Variants in FOXC1 observed in about 807,000 individuals in gnomAD.
FOXC1 encodes the protein forkhead box C1, also known as forkhead box protein C1.
FOXC1 carries 5 observed loss-of-function variants against 8.1 expected under a neutral mutation model. The observed-to-expected ratio is 0.62, with a 90% CI of 0.32 to 1.30. FOXC1 has a LOEUF of 1.30. FOXC1 is among the 50% of genes most tolerant of loss of function. The pLI is 0.05. For synonymous variants in FOXC1, 552 were observed against 417.2 expected, an observed-to-expected ratio of 1.32 and a Z score of -3.94; for missense variants, 942 against 858.0, an observed-to-expected ratio of 1.10 and a Z score of -1.22.
chr6:1,610,069 A>G lies in FOXC1; in HGVS notation c.-377A>G, dbSNP rs1378945475. The G allele has an allele frequency of 8.0e-6, 1 of 124,512 alleles. No individual in the cohort carries two copies. Among genetic ancestry groups the G allele is most frequent in the East Asian group, 2.9e-4 (1 of 3,488 alleles). 7.7% of individuals were successfully genotyped at this position (124,512 alleles called of 1,614,324 possible). A position where few individuals can be genotyped will look rare whatever the true frequency, so the allele number is the denominator to read the frequency against. The stretch of plus-strand genomic sequence containing the variant: ...GCCGCCTTCGCCGGCAGCTCAGGGC[A>G]GAGTCTCCTGGAAGGCGCAGGCAGT... On this transcript the variant is annotated 5_prime_UTR_variant, in exon 1 of 1. Transcript: ENST00000645831.
At position 1,611,825 on chromosome 6, in the gene FOXC1, C is replaced by T; in HGVS notation, c.1380C>T (p.Gly460=). 6.6e-7 allele frequency: 1 copy of T among 1,508,330 alleles called. No individual in the cohort carries two copies. Among genetic ancestry groups the T allele is most frequent in the Non-Finnish European group, 8.8e-7 (1 of 1,131,216 alleles). The allele number at this position is 1,508,330 out of a possible 1,614,324, so 93.4% of individuals were successfully genotyped here. A position where few individuals can be genotyped will look rare whatever the true frequency, so the allele number is the denominator to read the frequency against. The stretch of plus-strand genomic sequence containing the variant: ...GCGGCGGGGGAGGCCAGGAGGCCGG[C>T]CACCACCCTGCGGCCCACCAAGGCC... ...GGGGGGGQEA[G]HHPAAHQGRL... is the part of the protein sequence containing the mutation. The change falls in exon 1 of 1, where the codon GGC becomes GGT. Residue 460 remains glycine (G), a synonymous_variant. Coordinates refer to ENST00000645831, the MANE Select transcript of FOXC1 (RefSeq NM_001453.3). The surrounding 1 kb of genome is among the most constrained non-coding windows in gnomAD (Gnocchi z 7.1).
Position 1,613,392 on chromosome 6 carries a change from A to G in FOXC1, c.*1285A>G, listed in dbSNP as rs967348287. On this transcript the variant is annotated 3_prime_UTR_variant, in exon 1 of 1. Coordinates refer to ENST00000645831, the MANE Select transcript of FOXC1 (RefSeq NM_001453.3). Reference sequence around the variant, plus strand: ...CCATTTACAATCCTTCATGTATTACATAGAAGGATTGCTTTTTTAAAAATA... The same window carrying G: ...CCATTTACAATCCTTCATGTATTACGTAGAAGGATTGCTTTTTTAAAAATA... 1.3e-4 allele frequency: 29 copies of G among 228,594 alleles called. No homozygotes were observed. The highest frequency in any genetic ancestry group is 4.7e-5 in the Non-Finnish European group (5 of 106,280). The allele number at this position is 228,594 out of a possible 1,614,324, so 14.2% of individuals were successfully genotyped here.
In FOXC1 at chr6:1,611,510, C is replaced by G. The variant is rs569734753; in HGVS notation, c.1065C>G (p.Pro355=). The change falls in exon 1 of 1, where the codon CCC becomes CCG. Residue 355 remains proline, a synonymous_variant. Transcript: ENST00000645831. The surrounding 1 kb of genome is among the most constrained non-coding windows in gnomAD (Gnocchi z 7.1). ...CGCTGGCGCTCGGCGCCTACTCGCC[C>G]GGCCAGAGCTCCCTCTACAGCTCCC... ...APPLALGAYS[P]GQSSLYSSPC... is the part of the protein sequence containing the mutation. 4.4e-6 allele frequency: 6 copies of G among 1,366,022 alleles called. No homozygotes were observed. The highest frequency in any genetic ancestry group is 3.4e-5 in the East Asian group (1 of 29,400). 84.6% of individuals were successfully genotyped at this position (1,366,022 alleles called of 1,614,324 possible).
In FOXC1 at chr6:1,610,557, A is replaced by T; in HGVS notation, c.112A>T (p.Thr38Ser). The T allele has an allele frequency of 1.3e-6, 2 of 1,563,758 alleles. No homozygotes were observed. The highest frequency in any genetic ancestry group is 8.7e-7 in the Non-Finnish European group (1 of 1,155,662). ...AAAAAAGGGY[T>S]AMPAPMSVYS... ...GGCCGCGGCGGCCGGGGGCGGCTAC[A>T]CCGCCATGCCGGCCCCCATGAGCGT... The change falls in exon 1 of 1, where the codon ACC becomes TCC. Residue 38 changes from threonine (T) to serine (S), a missense_variant. Physicochemically the swap from Thr to Ser is moderately conservative, Grantham distance 58. Transcript: ENST00000645831.
Position 1,611,445 on chromosome 6 carries a change from G to C in FOXC1, c.1000G>C (p.Ala334Pro). The change falls in exon 1 of 1, where the codon GCC (alanine) becomes CCC (proline). Residue 334 changes from alanine to proline, a missense_variant. Physicochemically the swap from Ala to Pro is conservative, Grantham distance 27. Transcript: ENST00000645831. The surrounding 1 kb of genome is among the most constrained non-coding windows in gnomAD (Gnocchi z 7.1). The part of the protein sequence containing the change: ...AAAELSSGLL[A>P]SAAASSRAGI... ...CGCGGAGCTCAGCTCCGGCCTTCTG[G>C]CCTCGGCGGCCGCGTCCTCGCGCGC... The C allele has an allele frequency of 1.4e-6, 2 of 1,393,058 alleles. No individual in the cohort carries two copies. Among genetic ancestry groups the C allele is most frequent in the Non-Finnish European group, 1.9e-6 (2 of 1,073,232 alleles). 86.3% of individuals were successfully genotyped at this position (1,393,058 alleles called of 1,614,324 possible).
In FOXC1 at chr6:1,611,618, G is replaced by C. The variant is rs773512259; in HGVS notation, c.1173G>C (p.Gly391=). The C allele has an allele frequency of 1.6e-6, 2 of 1,249,922 alleles. No individual in the cohort carries two copies. The highest frequency in any genetic ancestry group is 9.0e-5 in the Admixed American group (2 of 22,194). 77.4% of individuals were successfully genotyped at this position (1,249,922 alleles called of 1,614,324 possible). The change falls in exon 1 of 1, where the codon GGG becomes GGC. Residue 391 remains glycine (G), a synonymous_variant. Coordinates refer to ENST00000645831, the MANE Select transcript of FOXC1 (RefSeq NM_001453.3). This position sits in a 1 kb window ranked among gnomAD's most constrained non-coding sequence, Gnocchi z 7.1. ...AGAAGGAGGA[G]TYHCNLQAMS... ...CCGCGGGGGGCGCGGGCGGCGCCGG[G>C]ACCTACCACTGCAACCTGCAAGCCA...
Position 1,611,087 on chromosome 6 carries a change from C to A in FOXC1, c.642C>A (p.Pro214=). 1.5e-6 allele frequency: 2 copies of A among 1,362,918 alleles called. No homozygotes were observed. The highest frequency in any genetic ancestry group is 1.9e-5 in the South Asian group (1 of 53,928). 84.4% of individuals were successfully genotyped at this position (1,362,918 alleles called of 1,614,324 possible). A position where few individuals can be genotyped will look rare whatever the true frequency, so the allele number is the denominator to read the frequency against. ...CGGAGCAGGCCGACGGCAACGCGCC[C>A]GGTCCGCAGCCGCCGCCCGTGCGCA... ...APPEQADGNA[P]GPQPPPVRIQ... The change falls in exon 1 of 1, where the codon CCC becomes CCA. Residue 214 remains proline (P), a synonymous_variant. Transcript: ENST00000645831. This position sits in a 1 kb window ranked among gnomAD's most constrained non-coding sequence, Gnocchi z 7.1.
rs936269544 is a variant in FOXC1 at position 1,611,191 on chromosome 6, G to T, written c.746G>T (p.Gly249Val). Reference sequence around the variant, plus strand: ...TCCCCGGCCGCCGCCCTGGGCAGCGGCAGCGCCGCCGCGGTGCCCAAGATC... The same window carrying T: ...TCCCCGGCCGCCGCCCTGGGCAGCGTCAGCGCCGCCGCGGTGCCCAAGATC... Reference protein sequence around the residue: ...PLSPAAALGSGSAAAVPKIES... With the variant: ...PLSPAAALGSVSAAAVPKIES... Residue 249 changes from glycine to valine, a missense_variant, in exon 1 of 1, where the codon GGC becomes GTC. This residue lies in a region of FOXC1 where 726 missense variants were observed against 599.6 expected (regional missense o/e 1.21). Coordinates refer to ENST00000645831, the MANE Select transcript of FOXC1 (RefSeq NM_001453.3). This position sits in a 1 kb window ranked among gnomAD's most constrained non-coding sequence, Gnocchi z 7.1. 48 of 1,459,970 alleles carry T rather than the reference G, an allele frequency of 3.3e-5. No individual in the cohort carries two copies. The highest frequency in any genetic ancestry group is 4.0e-5 in the Non-Finnish European group (44 of 1,104,904). 90.4% of individuals were successfully genotyped at this position (1,459,970 alleles called of 1,614,324 possible).
In FOXC1 at chr6:1,613,126, C is replaced by G. The variant is rs140591342; in HGVS notation, c.*1019C>G. 221 of 241,306 alleles carry G rather than the reference C, an allele frequency of 9.2e-4. No homozygotes were observed. The highest frequency in any genetic ancestry group is 4.7e-3 in the African/African-American group (210 of 45,078). 14.9% of individuals were successfully genotyped at this position (241,306 alleles called of 1,614,324 possible). On this transcript the variant is annotated 3_prime_UTR_variant, in exon 1 of 1. Coordinates refer to ENST00000645831, the MANE Select transcript of FOXC1 (RefSeq NM_001453.3). Reference sequence around the variant, plus strand: ...TTCTCACTAATGACAGTCCATGATTCGGAAATTTTAAGCCCATGAATCAGC... The same window carrying G: ...TTCTCACTAATGACAGTCCATGATTGGGAAATTTTAAGCCCATGAATCAGC...
rs1156410607 is a variant in FOXC1, at chr6:1,612,396, A to G, written c.*289A>G. ...AGAGACAGCAAAATCTTGGTTTATT[A>G]AAGGACAGTGTTACTCCAGATAACA... On this transcript the variant is annotated 3_prime_UTR_variant, in exon 1 of 1. Transcript: ENST00000645831. The G allele has an allele frequency of 8.9e-6, 5 of 559,330 alleles. No homozygotes were observed. Among genetic ancestry groups the G allele is most frequent in the African/African-American group, 1.9e-5 (1 of 53,092 alleles). 34.6% of individuals were successfully genotyped at this position (559,330 alleles called of 1,614,324 possible).
chr6:1,611,283 G>A lies in FOXC1; in HGVS notation c.838G>A (p.Ala280Thr). The A allele has an allele frequency of 7.2e-7, 1 of 1,385,966 alleles. No homozygotes were observed. Among genetic ancestry groups the A allele is most frequent in the Non-Finnish European group, 9.3e-7 (1 of 1,071,826 alleles). 85.9% of individuals were successfully genotyped at this position (1,385,966 alleles called of 1,614,324 possible). ...GSSPPGSLPS[A>T]RPLSLDGADS... ...CAGCCCCCCGGGCAGCCTGCCGTCG[G>A]CGCGGCCGCTCAGCCTGGACGGTGC... The change falls in exon 1 of 1, where the codon GCG (alanine) becomes ACG (threonine). Residue 280 changes from alanine to threonine, a missense_variant. Physicochemically the swap from Ala to Thr is moderately conservative, Grantham distance 58 (BLOSUM62 0). Around this residue, in one of 4 missense-constraint regions of FOXC1, gnomAD observed 726 missense variants for 599.6 expected, o/e 1.21. Coordinates refer to ENST00000645831, the MANE Select transcript of FOXC1 (RefSeq NM_001453.3). The surrounding 1 kb of genome is among the most constrained non-coding windows in gnomAD (Gnocchi z 7.1).
In FOXC1 at chr6:1,611,399, G is replaced by C; in HGVS notation, c.954G>C (p.Arg318=). 1 of 1,451,564 alleles carries C rather than the reference G, an allele frequency of 6.9e-7. No homozygotes were observed. 89.9% of individuals were successfully genotyped at this position (1,451,564 alleles called of 1,614,324 possible). ...FSVDNIMTSL[R]GSPQSAAAEL... ...TGGACAACATCATGACGTCGCTGCG[G>C]GGGTCGCCGCAGAGCGCGGCCGCGG... The change falls in exon 1 of 1, where the codon CGG becomes CGC. Residue 318 remains arginine, a synonymous_variant. Transcript: ENST00000645831. The surrounding 1 kb of genome is among the most constrained non-coding windows in gnomAD (Gnocchi z 7.1).
In FOXC1 at chr6:1,612,040, C is replaced by T. The variant is rs905968043; in HGVS notation, c.1595C>T (p.Ala532Val). 1 of 1,613,740 alleles carries T rather than the reference C, an allele frequency of 6.2e-7. No homozygotes were observed. Among genetic ancestry groups the T allele is most frequent in the Non-Finnish European group, 8.5e-7 (1 of 1,180,012 alleles). ...AACGGGAATAGTAGCTGTCAAATGGCCTTCCCTTCCAGCCAGTCTCTGTAC... is the reference window on the plus strand; with the variant it reads ...AACGGGAATAGTAGCTGTCAAATGGTCTTCCCTTCCAGCCAGTCTCTGTAC... ...PVNGNSSCQMAFPSSQSLYRT... is the reference protein window; with the variant it reads ...PVNGNSSCQMVFPSSQSLYRT... Residue 532 changes from alanine (A) to valine (V), a missense_variant, in exon 1 of 1, where the codon GCC becomes GTC. Physicochemically the swap from Ala to Val is moderately conservative, Grantham distance 64. Around this residue, in one of 4 missense-constraint regions of FOXC1, gnomAD observed 726 missense variants for 599.6 expected, o/e 1.21. Coordinates refer to ENST00000645831, the MANE Select transcript of FOXC1 (RefSeq NM_001453.3).
rs1762517349 is a variant in FOXC1 at position 1,610,567 on chromosome 6, C to T, written c.122C>T (p.Pro41Leu). The part of the protein sequence containing the change: ...AAAGGGYTAM[P>L]APMSVYSHPA... ...GCCGGGGGCGGCTACACCGCCATGC[C>T]GGCCCCCATGAGCGTGTACTCGCAC... The change falls in exon 1 of 1, where the codon CCG becomes CTG. Residue 41 changes from proline to leucine, a missense_variant. By Grantham distance (98) the Pro-to-Leu change is moderately conservative. This residue lies in a region of FOXC1 where 190 missense variants were observed against 176.8 expected (regional missense o/e 1.07). Coordinates refer to ENST00000645831, the MANE Select transcript of FOXC1 (RefSeq NM_001453.3). 6.3e-7 allele frequency: 1 copy of T among 1,576,250 alleles called. No individual in the cohort carries two copies. Among genetic ancestry groups the T allele is most frequent in the Non-Finnish European group, 8.6e-7 (1 of 1,162,304 alleles).
At position 1,611,252 on chromosome 6, in the gene FOXC1, C is replaced by G. The variant is rs1277775861; in HGVS notation, c.807C>G (p.Ser269Arg). 43 of 1,429,706 alleles carry G rather than the reference C, an allele frequency of 3.0e-5. 1 individual carries two copies. In the Admixed American group the frequency reaches 7.7e-4, roughly 26 times the overall value. The allele number at this position is 1,429,706 out of a possible 1,614,324, so 88.6% of individuals were successfully genotyped here. ...SPDSSSSSLSSGSSPPGSLPS... is the reference protein window; with the variant it reads ...SPDSSSSSLSRGSSPPGSLPS... ...ACAGCAGCAGCAGCAGCCTGTCCAG[C>G]GGGAGCAGCCCCCCGGGCAGCCTGC... Residue 269 changes from serine to arginine, a missense_variant, in exon 1 of 1, where the codon AGC becomes AGG. This residue lies in a region of FOXC1 where 726 missense variants were observed against 599.6 expected (regional missense o/e 1.21). Coordinates refer to ENST00000645831, the MANE Select transcript of FOXC1 (RefSeq NM_001453.3). This position sits in a 1 kb window ranked among gnomAD's most constrained non-coding sequence, Gnocchi z 7.1.
In FOXC1 at chr6:1,611,687, C is replaced by A; in HGVS notation, c.1242C>A (p.Gly414=). The A allele has an allele frequency of 7.0e-7, 1 of 1,422,186 alleles. No homozygotes were observed. The highest frequency in any genetic ancestry group is 9.1e-7 in the Non-Finnish European group (1 of 1,094,724). 88.1% of individuals were successfully genotyped at this position (1,422,186 alleles called of 1,614,324 possible). The change falls in exon 1 of 1, where the codon GGC becomes GGA. Residue 414 remains glycine, a synonymous_variant. Coordinates refer to ENST00000645831, the MANE Select transcript of FOXC1 (RefSeq NM_001453.3). This position sits in a 1 kb window ranked among gnomAD's most constrained non-coding sequence, Gnocchi z 7.1. ...GCGAGCGCGGGGGCCACTTGCAGGG[C>A]GCGCCCGGGGGCGCGGGCGGCTCGG... ...AAGERGGHLQ[G]APGGAGGSAV...
chr6:1,611,962 C>G lies in FOXC1; in HGVS notation c.1517C>G (p.Ser506Trp). ...CCGGGCCAGCAGCAGAACTTCCACT[C>G]GGTGCGGGAGATGTTCGAGTCACAG... ...GYPGQQQNFH[S>W]VREMFESQRI... is the part of the protein sequence containing the mutation. The change falls in exon 1 of 1, where the codon TCG becomes TGG. Residue 506 changes from serine to tryptophan, a missense_variant. Physicochemically the swap from Ser to Trp is radical, Grantham distance 177 (BLOSUM62 -3). Transcript: ENST00000645831. The surrounding 1 kb of genome is among the most constrained non-coding windows in gnomAD (Gnocchi z 7.1). The G allele has an allele frequency of 6.2e-7, 1 of 1,605,106 alleles. No homozygotes were observed. Among genetic ancestry groups the G allele is most frequent in the Non-Finnish European group, 8.5e-7 (1 of 1,175,866 alleles).
rs1208494249 is a variant in FOXC1 at position 1,612,724 on chromosome 6, A to C, written c.*617A>C. On this transcript the variant is annotated 3_prime_UTR_variant, in exon 1 of 1. Coordinates refer to ENST00000645831, the MANE Select transcript of FOXC1 (RefSeq NM_001453.3). Reference sequence around the variant, plus strand: ...TAAATTGTGCTTTTTTTCTCATTATAAAAAGGGAAACTGTATTAATCTTAT... The same window carrying C: ...TAAATTGTGCTTTTTTTCTCATTATCAAAAGGGAAACTGTATTAATCTTAT... 4.6e-6 allele frequency: 1 copy of C among 219,624 alleles called. No homozygotes were observed. The highest frequency in any genetic ancestry group is 2.3e-5 in the African/African-American group (1 of 43,674). The allele number at this position is 219,624 out of a possible 1,614,324, so 13.6% of individuals were successfully genotyped here.
chr6:1,611,553 A>G lies in FOXC1; in HGVS notation c.1108A>G (p.Ser370Gly). ...CAGCTCCCCCTGCAGCCAGACCTCC[A>G]GCGCGGGCAGCTCGGGCGGCGGCGG... ...LYSSPCSQTS[S>G]AGSSGGGGGG... The change falls in exon 1 of 1, where the codon AGC (serine) becomes GGC (glycine). Residue 370 changes from serine (S) to glycine (G), a missense_variant. By Grantham distance (56) the Ser-to-Gly change is moderately conservative. Around this residue, in one of 4 missense-constraint regions of FOXC1, gnomAD observed 726 missense variants for 599.6 expected, o/e 1.21. Coordinates refer to ENST00000645831, the MANE Select transcript of FOXC1 (RefSeq NM_001453.3). The surrounding 1 kb of genome is among the most constrained non-coding windows in gnomAD (Gnocchi z 7.1). 8.2e-7 allele frequency: 1 copy of G among 1,222,976 alleles called. No homozygotes were observed. Among genetic ancestry groups the G allele is most frequent in the South Asian group, 2.8e-5 (1 of 35,140 alleles). The allele number at this position is 1,222,976 out of a possible 1,614,324, so 75.8% of individuals were successfully genotyped here.
Sources: gnomAD v4.1 joint callset for allele counts on GRCh38, gnomAD v4.1.1 for gene constraint, gnomAD v4.1.1 regional missense constraint, Gnocchi (gnomAD v3.1) non-coding constraint, MANE v1.5 for transcripts, NCBI Gene and HGNC (gene_info 2026-07-23, HGNC 2026-07-21) for gene names.